Variants in EPHA6 observed in about 807,000 individuals in gnomAD.
EPHA6 encodes ephrin type-A receptor 6.
Under a neutral mutation model 112.0 loss-of-function variants are expected in EPHA6, and 50 were observed. The observed-to-expected ratio is 0.45, with a 90% CI of 0.36 to 0.56. The LOEUF is 0.56. Ranked by LOEUF, EPHA6 falls within the 20% of genes least tolerant of loss-of-function variation. EPHA6 has a pLI of 0.00. For missense variants in EPHA6, 1,280 were observed against 1,417.4 expected (o/e 0.90, Z 1.56); for synonymous variants, 529 against 490.7 (o/e 1.08, Z -1.03).
chr3:97,286,007 T>A (rs1036873984), intron 5 of EPHA6, among the ~76,000 whole-genome samples: 8 of 152,182 alleles, frequency 5.3e-5, no homozygotes, highest in Admixed American at 5.2e-4. Flanking sequence ...TTCTTTTATA[T>A]ACCTGTTAGC....
chr3:96,877,451 C>T (rs2037034203), intron 2 of EPHA6, among the ~76,000 whole-genome samples: 1 of 151,896 alleles, frequency 6.6e-6, no homozygotes. Context: ...AATTAATGAC[C>T]GGTTTAGAAC....
chr3:97,475,497 G>T, intron 8 of EPHA6, 37 bp downstream of exon 8: 3 of 1,394,680 alleles, frequency 2.2e-6, no homozygotes, highest in Non-Finnish European at 3.0e-6. Context: ...CGAGATTTAT[G>T]AATAACCACT....
chr3:97,567,961 G>A (rs150288560), intron 11 of EPHA6, among the ~76,000 whole-genome samples: 6 of 152,222 alleles, frequency 3.9e-5, no homozygotes, highest in African/African-American at 1.4e-4. Flanking sequence ...GGTGGGCTTT[G>A]GGTTATAAGG....
At chr3:97,647,779 T>C (rs2094076924) in intron 14 of EPHA6, among the ~76,000 whole-genome samples, 1 of 152,050 alleles carries the variant, frequency 6.6e-6, no homozygotes, top group Non-Finnish European at 1.5e-5. Flanking sequence ...TGGACAACTG[T>C]TTTATAACCA....
At position 97,360,644 on chromosome 3, in the gene EPHA6, T is replaced by G. The variant is rs550090361; in HGVS notation, c.1607-44506T>G. 6.6e-5 allele frequency among the ~76,000 whole-genome samples: 10 copies of G among 152,278 alleles called. No individual in the cohort carries two copies. In the East Asian group the frequency reaches 1.9e-3, roughly 29 times the overall value. ...GTTTCACACTGGGAATCTAATAAGA[T>G]TATGACCACATGAATTTTCTTCTGC... On this transcript the variant is annotated intron_variant, in intron 5 of 17. Coordinates refer to ENST00000389672, the MANE Select transcript of EPHA6 (RefSeq NM_001080448.3).
chr3:97,286,446 T>G (rs1342906955), intron 5 of EPHA6, among the ~76,000 whole-genome samples: 1 of 152,184 alleles, frequency 6.6e-6, no homozygotes, highest in African/African-American at 2.4e-5. Context: ...TAGTTTCATT[T>G]TGCATAAGGA....
intron 13 of EPHA6, among the ~76,000 whole-genome samples, chr3:97,618,514 G>C (rs35877019): frequency 5.3e-5 from 8 of 151,974 alleles, no homozygotes; most frequent in Non-Finnish European, 7.4e-5. Context: ...AAAATATCTA[G>C]ACTGCTAGCT....
Position 96,814,631 on chromosome 3 carries a change from TC to T in EPHA6, c.12del (p.Ser5ArgfsTer80). MQ[F>X]PSPPAARSSP... ...AGCGGGACACTGTGGTGGATGCAAT[TC>T]CCCTCGCCTCCAGCCGCGAGGAGCT... is the stretch of plus-strand genomic sequence containing the variant. On this transcript the variant is annotated frameshift_variant, in exon 1 of 18. Transcript: ENST00000389672. LOFTEE classifies it high-confidence loss of function. The T allele has an allele frequency of 6.8e-7, 1 of 1,465,074 alleles. No individual in the cohort carries two copies. Among genetic ancestry groups the T allele is most frequent in the Non-Finnish European group, 9.0e-7 (1 of 1,108,660 alleles). 90.8% of individuals were successfully genotyped at this position (1,465,074 alleles called of 1,614,324 possible).
At chr3:97,441,887 G>T (rs976775930) in intron 6 of EPHA6, among the ~76,000 whole-genome samples, 54 of 151,936 alleles carry the variant, frequency 3.6e-4, no homozygotes, top group African/African-American at 1.3e-3. Flanking sequence ...GAGAGAAAAT[G>T]ATGATTTATT....
At chr3:97,562,487 A>G (rs1000803267) in intron 11 of EPHA6, among the ~76,000 whole-genome samples, 1 of 152,154 alleles carries the variant, frequency 6.6e-6, no homozygotes, top group Non-Finnish European at 1.5e-5. Context: ...GAGCCTGAAG[A>G]TGGGGCTGAA....
At chr3:97,703,569 G>C (rs2033516600) in intron 14 of EPHA6, among the ~76,000 whole-genome samples, 1 of 152,072 alleles carries the variant, frequency 6.6e-6, no homozygotes, top group Non-Finnish European at 1.5e-5. Flanking sequence ...AGCCAACATT[G>C]GCTGTAAAAT....
At chr3:97,122,989 A>T (rs2048085617) in intron 3 of EPHA6, among the ~76,000 whole-genome samples, 1 of 152,018 alleles carries the variant, frequency 6.6e-6, no homozygotes, top group South Asian at 2.1e-4. Context: ...CCTTATGCAT[A>T]TGCTGATTTC....
At chr3:97,412,569 T>C (rs907862344) in intron 6 of EPHA6, among the ~76,000 whole-genome samples, 2 of 152,006 alleles carry the variant, frequency 1.3e-5, no homozygotes, top group East Asian at 1.9e-4. Context: ...TACAAGGTGA[T>C]AGAAAAAATC....
At chr3:97,596,072 A>T (rs556551017) in intron 12 of EPHA6, among the ~76,000 whole-genome samples, 847 of 151,374 alleles carry the variant, frequency 5.6e-3, no homozygotes, top group Non-Finnish European at 8.5e-3. Context: ...CTCCCGGCTA[A>T]TTTTTTGTAT....
intron 6 of EPHA6, among the ~76,000 whole-genome samples, chr3:97,426,151 C>G (rs1051169269): frequency 6.6e-6 from 1 of 152,194 alleles, no homozygotes; most frequent in Admixed American, 6.5e-5. Context: ...CACCCCACTA[C>G]CCCATACCAA....
rs559531023 is a variant in EPHA6 at position 97,684,178 on chromosome 3, T to C, written c.2785-36083T>C. Among the ~76,000 whole-genome samples, 38 of 152,334 alleles carry C rather than the reference T, an allele frequency of 2.5e-4. 1 individual carries two copies. The East Asian group carries it at 7.1e-3, about 29-fold the overall frequency. ...TATATCCACATTAGTATGTGCTTAA[T>C]TCTTTTTCGTACTCAGCACGTTTCA... On this transcript the variant is annotated intron_variant, in intron 14 of 17. Transcript: ENST00000389672.
At chr3:97,137,495 T>G (rs756779286) in intron 3 of EPHA6, among the ~76,000 whole-genome samples, 10 of 152,178 alleles carry the variant, frequency 6.6e-5, no homozygotes, top group African/African-American at 2.4e-4. Context: ...AAACTGAAGC[T>G]GTTTTGAGGA....
chr3:97,663,964 G>A (rs984092851), intron 14 of EPHA6, among the ~76,000 whole-genome samples: 1 of 152,160 alleles, frequency 6.6e-6, no homozygotes. Flanking sequence ...GTGTAAAAGT[G>A]TTCCTATTTC....
intron 5 of EPHA6, among the ~76,000 whole-genome samples, chr3:97,279,667 A>G (rs1441525069): frequency 6.6e-6 from 1 of 152,220 alleles, no homozygotes; most frequent in Non-Finnish European, 1.5e-5. Context: ...ATCAAGGTGG[A>G]TTCAAGGATG....
Sources: gnomAD v4.1 joint callset for allele counts (sites outside exome capture counted in the v4.1 genomes callset) on GRCh38, gnomAD v4.1.1 for gene constraint, MANE v1.5 for transcripts, NCBI Gene and HGNC (gene_info 2026-07-23, HGNC 2026-07-21) for gene names.